The following NAALADL2 variants were observed in gnomAD, a reference collection of about 807,000 sequenced individuals.
NAALADL2 encodes the protein inactive N-acetylated-alpha-linked acidic dipeptidase-like protein 2.
NAALADL2 carries 76 observed loss-of-function variants against 87.2 expected under a neutral mutation model. The observed-to-expected ratio is 0.87, with a 90% CI of 0.72 to 1.05. The LOEUF is 1.05. NAALADL2 is among the 50% of genes least tolerant of loss of function. The pLI is 0.00. For missense variants in NAALADL2, 1,089 were observed against 945.8 expected, an observed-to-expected ratio of 1.15 and a Z score of -1.99; for synonymous variants, 354 against 331.0, an observed-to-expected ratio of 1.07 and a Z score of -0.75.
intron 2 of NAALADL2, among the ~76,000 whole-genome samples, chr3:175,112,972 C>T (rs1370172352): frequency 6.6e-6 from 1 of 151,494 alleles, no homozygotes; most frequent in East Asian, 1.9e-4. Context: ...TGAACAAAGA[C>T]ATGGAGGTAA....
chr3:175,395,129 C>T (rs1444282819), intron 5 of NAALADL2, among the ~76,000 whole-genome samples: 7 of 152,140 alleles, frequency 4.6e-5, no homozygotes, highest in African/African-American at 1.2e-4. Context: ...TACTAAGTGA[C>T]TAATGGGCAG....
chr3:175,640,670 T>C (rs764261248), intron 11 of NAALADL2, among the ~76,000 whole-genome samples: 5 of 152,194 alleles, frequency 3.3e-5, no homozygotes, highest in Non-Finnish European at 5.9e-5. Flanking sequence ...GCATTAACTG[T>C]CTTACCCATC....
At chr3:175,360,042 T>A (rs534612387) in intron 5 of NAALADL2, among the ~76,000 whole-genome samples, 22 of 152,288 alleles carry the variant, frequency 1.4e-4, no homozygotes, top group Admixed American at 1.0e-3. Context: ...GAAAGGAGAT[T>A]ATTGAGTATC....
intron 5 of NAALADL2, among the ~76,000 whole-genome samples, chr3:175,437,249 A>G (rs1388678078): frequency 2.0e-5 from 3 of 149,938 alleles, no homozygotes; most frequent in Non-Finnish European, 4.4e-5. Flanking sequence ...AACTTCAGCA[A>G]AGTCTCAGGA....
At chr3:175,137,430 T>A (rs1175973089) in intron 2 of NAALADL2, among the ~76,000 whole-genome samples, 1 of 152,140 alleles carries the variant, frequency 6.6e-6, no homozygotes, top group Non-Finnish European at 1.5e-5. Context: ...TACTATAAAA[T>A]GACATGCCTT....
At chr3:174,909,759 A>G (rs1733450111) in intron 1 of NAALADL2, among the ~76,000 whole-genome samples, 1 of 152,112 alleles carries the variant, frequency 6.6e-6, no homozygotes, top group African/African-American at 2.4e-5. Flanking sequence ...CTGAGGATTA[A>G]ATGAGATAGA....
At chr3:175,164,078 T>C (rs1489824503) in intron 2 of NAALADL2, among the ~76,000 whole-genome samples, 1 of 152,132 alleles carries the variant, frequency 6.6e-6, no homozygotes, top group Non-Finnish European at 1.5e-5. Context: ...CATCGTAGTA[T>C]TTTCTTTTTT....
chr3:175,476,146 T>C (rs17600544), intron 9 of NAALADL2, among the ~76,000 whole-genome samples: 6,777 of 152,244 alleles, frequency 0.045, 229 homozygotes, highest in South Asian at 0.11. Flanking sequence ...CACCACAAAA[T>C]GCATACATAT....
At chr3:174,710,544 G>A (rs565706924) in intron 2 of NAALADL2, among the ~76,000 whole-genome samples, 3 of 152,176 alleles carry the variant, frequency 2.0e-5, no homozygotes, top group Admixed American at 6.5e-5. Flanking sequence ...ATGAGCCACC[G>A]CCTCCGACCC....
At chr3:174,532,223 C>G (rs1270541536) in intron 1 of NAALADL2, among the ~76,000 whole-genome samples, 1 of 152,092 alleles carries the variant, frequency 6.6e-6, no homozygotes, top group Non-Finnish European at 1.5e-5. Flanking sequence ...AGATCCCTGT[C>G]CTTGGGTGAG....
At chr3:174,667,115 C>T (rs923294372) in intron 2 of NAALADL2, among the ~76,000 whole-genome samples, 1 of 152,094 alleles carries the variant, frequency 6.6e-6, no homozygotes, top group Admixed American at 6.6e-5. Context: ...TACCTCTTGG[C>T]TACTGTGAAT....
chr3:175,570,576 C>T (rs564887352), intron 9 of NAALADL2, among the ~76,000 whole-genome samples: 15 of 152,050 alleles, frequency 9.9e-5, no homozygotes, highest in Admixed American at 3.9e-4. Flanking sequence ...ATAACTGAAA[C>T]GAAAAGAAAG....
Position 175,684,022 on chromosome 3 carries a change from A to T in NAALADL2, c.1897-53284A>T, listed in dbSNP as rs180995226. ...TAACATTACACACTTGGAAATTAAG[A>T]TGCATCATCTTATAGTAGAAGCAAT... On this transcript the variant is annotated intron_variant, in intron 11 of 13. Transcript: ENST00000454872. 4.7e-3 allele frequency among the ~76,000 whole-genome samples: 710 copies of T among 152,166 alleles called. 20 individuals are homozygous for T. Among genetic ancestry groups the T allele is most frequent in the Non-Finnish European group, 8.7e-4 (59 of 67,950 alleles).
At chr3:175,168,794 G>A (rs966881962) in intron 2 of NAALADL2, among the ~76,000 whole-genome samples, 10 of 151,708 alleles carry the variant, frequency 6.6e-5, no homozygotes, top group African/African-American at 1.9e-4. Flanking sequence ...ATACATTATG[G>A]ACAGTTTGTG....
At chr3:175,074,908 AGAGAAG>A (rs995498069) in intron 1 of NAALADL2, among the ~76,000 whole-genome samples, 12 of 149,598 alleles carry the variant, frequency 8.0e-5, no homozygotes, top group African/African-American at 2.5e-4. Context: ...GATGAAGAGC[AGAGAAG>A]GAGAAGGAGG....
intron 2 of NAALADL2, among the ~76,000 whole-genome samples, chr3:174,640,206 C>A (rs1447779): frequency 2.6e-5 from 4 of 152,014 alleles, no homozygotes; most frequent in Admixed American, 2.6e-4. Flanking sequence ...CAGACTAATG[C>A]TCTTAGCTCC....
At chr3:174,779,093 C>A (rs1715600744) in intron 3 of NAALADL2, among the ~76,000 whole-genome samples, 1 of 152,172 alleles carries the variant, frequency 6.6e-6, no homozygotes, top group African/African-American at 2.4e-5. Context: ...ACACTCTCAC[C>A]AACATTGTAA....
chr3:175,144,283 C>T (rs1195425763), intron 2 of NAALADL2, among the ~76,000 whole-genome samples: 1 of 151,898 alleles, frequency 6.6e-6, no homozygotes, highest in Non-Finnish European at 1.5e-5. Context: ...TACAAAAAGC[C>T]ATTGGGCACG....
chr3:174,782,376 AC>A (rs1716094366), intron 3 of NAALADL2, among the ~76,000 whole-genome samples: 2 of 152,152 alleles, frequency 1.3e-5, no homozygotes, highest in Non-Finnish European at 2.9e-5. Context: ...TGGCTTTTAC[AC>A]AGTTGTCTAA....
Sources: gnomAD v4.1 joint callset for allele counts (sites outside exome capture counted in the v4.1 genomes callset) on GRCh38, gnomAD v4.1.1 for gene constraint, MANE v1.5 for transcripts, NCBI Gene and HGNC (gene_info 2026-07-23, HGNC 2026-07-21) for gene names.